Variants in ADARB2 observed in about 807,000 individuals in gnomAD.
The protein encoded by ADARB2 is adenosine deaminase RNA specific B2 (inactive), also known as inactive double-stranded RNA-specific editase B2.
Under a neutral mutation model 62.2 loss-of-function variants are expected in ADARB2, and 25 were observed. The ratio of observed to expected loss-of-function variants is 0.40; its 90% CI spans 0.29 to 0.56. ADARB2 has a LOEUF of 0.56. ADARB2 is among the 20% of genes least tolerant of loss of function. ADARB2 has a pLI of 0.43. For missense variants in ADARB2, 1,071 were observed against 1,077.4 expected, an observed-to-expected ratio of 0.99 and a Z score of 0.08; for synonymous variants, 572 against 500.8, an observed-to-expected ratio of 1.14 and a Z score of -1.90.
chr10:1,736,085 TA>T (rs1054285760), intron 1 of ADARB2, among the ~76,000 whole-genome samples: 2 of 152,036 alleles, frequency 1.3e-5, no homozygotes, highest in African/African-American at 2.4e-5. Context: ...CTACCTCACT[TA>T]AAAAAAATCA....
intron 1 of ADARB2, among the ~76,000 whole-genome samples, chr10:1,616,053 G>T (rs1184501188): frequency 6.6e-6 from 1 of 152,242 alleles, no homozygotes; most frequent in Admixed American, 6.5e-5. Flanking sequence ...AATGCTGGTG[G>T]CAGGGGGAGG....
rs550873604 is a variant in ADARB2 at position 1,372,423 on chromosome 10, C to T, written c.187+6651G>A. ...TCCCCACCAGGGTGCAGTATACCCA[C>T]GGGACAAACACGCACATGTATCCCT... On this transcript the variant is annotated intron_variant, in intron 2 of 9. Transcript: ENST00000381312. 4.6e-5 allele frequency among the ~76,000 whole-genome samples: 7 copies of T among 152,158 alleles called. No individual in the cohort carries two copies. In the East Asian group the frequency reaches 5.8e-4, roughly 13 times the overall value.
At chr10:1,441,610 G>A (rs1830907906) in intron 1 of ADARB2, among the ~76,000 whole-genome samples, 1 of 152,124 alleles carries the variant, frequency 6.6e-6, no homozygotes, top group East Asian at 1.9e-4. Context: ...AATCACACAG[G>A]AAGTAAATCA....
intron 1 of ADARB2, among the ~76,000 whole-genome samples, chr10:1,478,981 C>A (rs1448564929): frequency 6.6e-6 from 1 of 152,128 alleles, no homozygotes; most frequent in Non-Finnish European, 1.5e-5. Flanking sequence ...CCAACGAATC[C>A]AATAGCTGGT....
chr10:1,444,228 A>C (rs1588260129), intron 1 of ADARB2, among the ~76,000 whole-genome samples: 1 of 145,972 alleles, frequency 6.9e-6, no homozygotes, highest in African/African-American at 2.6e-5. Context: ...CTATCCATCC[A>C]TCCACCCACC....
intron 1 of ADARB2, among the ~76,000 whole-genome samples, chr10:1,663,845 T>C (rs540011162): frequency 6.6e-6 from 1 of 152,310 alleles, no homozygotes; most frequent in South Asian, 2.1e-4. Flanking sequence ...CTGGAACTCC[T>C]GGCTTCAGGT....
At chr10:1,701,704 C>T (rs868859643) in intron 1 of ADARB2, among the ~76,000 whole-genome samples, 1 of 71,330 alleles carries the variant, frequency 1.4e-5, no homozygotes, top group Non-Finnish European at 2.7e-5. Flanking sequence ...CCCACTCCAC[C>T]GGGAGACCAG....
At chr10:1,257,267 T>C (rs1358194135) in intron 4 of ADARB2, among the ~76,000 whole-genome samples, 6 of 152,202 alleles carry the variant, frequency 3.9e-5, no homozygotes, top group Admixed American at 1.3e-4. Flanking sequence ...CTGACCTAAG[T>C]TGGGGAGGCC....
rs78672557 is a variant in ADARB2, at chr10:1,692,487, A to G, written c.100+44564T>C. On this transcript the variant is annotated intron_variant, in intron 1 of 9. Coordinates refer to ENST00000381312, the MANE Select transcript of ADARB2 (RefSeq NM_018702.4). ...CCATAGGATTGAGTCCACTGTCCCA[A>G]ATTCAGCAGGGATAGTTTTTGCTCA... Among the ~76,000 whole-genome samples, 834 of 152,278 alleles carry G rather than the reference A, an allele frequency of 5.5e-3. 11 individuals carry two copies. Among genetic ancestry groups the G allele is most frequent in the African/African-American group, 0.019 (789 of 41,556 alleles).
At chr10:1,714,482 C>G (rs1834992115) in intron 1 of ADARB2, among the ~76,000 whole-genome samples, 2 of 152,218 alleles carry the variant, frequency 1.3e-5, no homozygotes, top group Non-Finnish European at 2.9e-5. Flanking sequence ...CAGCCAACGC[C>G]CATTTAATGC....
intron 3 of ADARB2, among the ~76,000 whole-genome samples, chr10:1,354,572 AAG>A (rs1199084557): frequency 1.3e-5 from 2 of 152,182 alleles, no homozygotes; most frequent in Non-Finnish European, 2.9e-5. Context: ...CGTGCATGAA[AAG>A]AGGAGCCTCA....
At chr10:1,458,851 T>G (rs550402937) in intron 1 of ADARB2, among the ~76,000 whole-genome samples, 3 of 152,182 alleles carry the variant, frequency 2.0e-5, no homozygotes, top group African/African-American at 7.2e-5. Flanking sequence ...GAACAAACAC[T>G]CGACGGAACA....
Position 1,737,187 on chromosome 10 carries a change from C to G in ADARB2, c.-37G>C, listed in dbSNP as rs776127236. 1 of 1,591,940 alleles carries G rather than the reference C, an allele frequency of 6.3e-7. No homozygotes were observed. On this transcript the variant is annotated 5_prime_UTR_variant, in exon 1 of 10. Coordinates refer to ENST00000381312, the MANE Select transcript of ADARB2 (RefSeq NM_018702.4). ...AGGCGCGGAGCCCAGAGCCGCCTCC[C>G]TCCTGCACCTGCACCTGCCTCCTTC... is the stretch of plus-strand genomic sequence containing the variant.
intron 1 of ADARB2, among the ~76,000 whole-genome samples, chr10:1,500,010 T>G (rs1348484381): frequency 6.6e-6 from 1 of 152,258 alleles, no homozygotes; most frequent in African/African-American, 2.4e-5. Flanking sequence ...TATAAAATGG[T>G]AGCCCACAGG....
intron 1 of ADARB2, among the ~76,000 whole-genome samples, chr10:1,396,290 C>T (rs1224762294): frequency 6.6e-6 from 1 of 152,234 alleles, no homozygotes; most frequent in Non-Finnish European, 1.5e-5. Flanking sequence ...ACTTCCCATC[C>T]CTGTCCCCAC....
intron 1 of ADARB2, among the ~76,000 whole-genome samples, chr10:1,598,594 GC>G (rs1431941442): frequency 1.3e-5 from 2 of 152,202 alleles, no homozygotes; most frequent in Non-Finnish European, 2.9e-5. Context: ...GAGTCCTGAT[GC>G]TGAGCTACAC....
chr10:1,377,308 G>C (rs1458094172), intron 2 of ADARB2, among the ~76,000 whole-genome samples: 1 of 147,912 alleles, frequency 6.8e-6, no homozygotes, highest in East Asian at 2.0e-4. Flanking sequence ...CCTGGGGTGT[G>C]TGTGCACACA....
chr10:1,248,516 G>T (rs570105093), intron 4 of ADARB2, among the ~76,000 whole-genome samples: 2 of 152,280 alleles, frequency 1.3e-5, no homozygotes, highest in African/African-American at 4.8e-5. Context: ...GCTTCTGGTG[G>T]CTAGGGCCAT....
At chr10:1,650,164 A>G (rs894800602) in intron 1 of ADARB2, among the ~76,000 whole-genome samples, 9 of 152,244 alleles carry the variant, frequency 5.9e-5, no homozygotes, top group Non-Finnish European at 1.2e-4. Context: ...CTGCTCTCAC[A>G]TGCTTTTCTG....
Sources: gnomAD v4.1 joint callset for allele counts (sites outside exome capture counted in the v4.1 genomes callset) on GRCh38, gnomAD v4.1.1 for gene constraint, MANE v1.5 for transcripts, NCBI Gene and HGNC (gene_info 2026-07-23, HGNC 2026-07-21) for gene names.